Variants in CFI observed in about 807,000 individuals in gnomAD.
The protein encoded by CFI is C3B/C4B inactivator.
In CFI, 66 loss-of-function variants were observed where a neutral mutation model predicts 78.8. The observed-to-expected ratio is 0.84, with a 90% CI of 0.69 to 1.03. The LOEUF (loss-of-function observed/expected upper bound fraction) is 1.03. Among genes scored for constraint, CFI ranks in the 50% least tolerant of loss-of-function variants. CFI has a pLI of 0.00. For missense variants in CFI, 706 were observed against 704.5 expected (o/e 1.00, Z -0.02); for synonymous variants, 250 against 232.6 (o/e 1.07, Z -0.68).
intron 1 of CFI, among the ~76,000 whole-genome samples, chr4:109,801,077 C>A (rs768981966): frequency 1.3e-5 from 2 of 152,178 alleles, no homozygotes; most frequent in Non-Finnish European, 1.5e-5. Context: ...TGGATTGCCA[C>A]CAAAGTTGGC....
At chr4:109,775,212 CG>C (rs1729071208) in intron 1 of CFI, among the ~76,000 whole-genome samples, 1 of 152,058 alleles carries the variant, frequency 6.6e-6, no homozygotes, top group Non-Finnish European at 1.5e-5. Flanking sequence ...TCGCCTCACC[CG>C]GGAAGTGCAA....
chr4:109,755,594 T>C (rs1726029757), intron 7 of CFI, among the ~76,000 whole-genome samples: 1 of 152,120 alleles, frequency 6.6e-6, no homozygotes. Context: ...AAAAGTGAGT[T>C]CGGACTCCTC....
At chr4:109,798,056 T>C (rs978312466) in intron 1 of CFI, among the ~76,000 whole-genome samples, 1 of 152,112 alleles carries the variant, frequency 6.6e-6, no homozygotes, top group Non-Finnish European at 1.5e-5. Flanking sequence ...CTAGAGGACA[T>C]TAATCTAAGT....
intron 1 of CFI, among the ~76,000 whole-genome samples, chr4:109,788,892 C>T (rs1180606071): frequency 6.6e-6 from 1 of 151,642 alleles, no homozygotes; most frequent in African/African-American, 2.4e-5. Context: ...AAATATGACC[C>T]ATGATGAGGA....
At chr4:109,784,213 T>C (rs1730465802) in intron 1 of CFI, among the ~76,000 whole-genome samples, 1 of 151,974 alleles carries the variant, frequency 6.6e-6, no homozygotes, top group Admixed American at 6.6e-5. Flanking sequence ...AAAGAAGTGA[T>C]GAACAACTGT....
chr4:109,732,456 T>C, the CFI span, among the ~76,000 whole-genome samples: 1 of 152,220 alleles, frequency 6.6e-6, no homozygotes, highest in South Asian at 2.1e-4. Context: ...TTCCTCTTAA[T>C]TGATGCTGTT....
chr4:109,758,084 G>C (rs552470565), intron 6 of CFI: 1 of 625,028 alleles, frequency 1.6e-6, no homozygotes, highest in African/African-American at 1.9e-5. Flanking sequence ...AAAATGCAAA[G>C]GCAGAGCTCA....
chr4:109,749,613 G>A lies in CFI; in HGVS notation c.941-11C>T. On this transcript the variant is annotated splice_polypyrimidine_tract_variant and intron_variant, in intron 8 of 12. Coordinates refer to ENST00000394634, the MANE Select transcript of CFI (RefSeq NM_000204.5). ...TTATCCGTCTTCTTTCTTCAAGAAA[G>A]GAAGAGATTACATCATTATTATCTT... 1 of 1,506,556 alleles carries A rather than the reference G, an allele frequency of 6.6e-7. No individual in the cohort carries two copies. The highest frequency in any genetic ancestry group is 9.2e-7 in the Non-Finnish European group (1 of 1,082,370). 93.3% of individuals were successfully genotyped at this position (1,506,556 alleles called of 1,614,324 possible).
At chr4:109,794,245 T>C (rs1292113177) in intron 1 of CFI, 2 of 152,222 alleles carry the variant, frequency 1.3e-5, no homozygotes, top group African/African-American at 2.4e-5. Flanking sequence ...TATTTTCTCC[T>C]TCTGGGGTTC....
chr4:109,736,401 TTTCATC>T (rs1293922449), downstream of CFI, among the ~76,000 whole-genome samples: 1 of 152,170 alleles, frequency 6.6e-6, no homozygotes, highest in Non-Finnish European at 1.5e-5. Flanking sequence ...AGGCTAGAAG[TTTCATC>T]TCTAAAAGGG....
At chr4:109,739,431 A>C (rs1219021738), downstream of CFI, among the ~76,000 whole-genome samples, 1 of 152,204 alleles carries the variant, frequency 6.6e-6, no homozygotes, top group East Asian at 1.9e-4. Flanking sequence ...AGAGGTAGAC[A>C]ACCCAATCAA....
intron 3 of CFI, 44 bp downstream of exon 3, chr4:109,764,493 C>A (rs759704600): frequency 3.2e-5 from 52 of 1,609,324 alleles, no homozygotes; most frequent in Non-Finnish European, 3.9e-5. Flanking sequence ...GCAAACAGAA[C>A]AATTAAATCA....
At chr4:109,740,301 A>G (rs1723639483), downstream of CFI, among the ~76,000 whole-genome samples, 1 of 152,048 alleles carries the variant, frequency 6.6e-6, no homozygotes, top group Non-Finnish European at 1.5e-5. Flanking sequence ...AAAAAAAGAA[A>G]GAGAGAAAGA....
chr4:109,739,887 C>A (rs1424867657), downstream of CFI, among the ~76,000 whole-genome samples: 1 of 152,092 alleles, frequency 6.6e-6, no homozygotes, highest in African/African-American at 2.4e-5. Context: ...AGGTCTGACA[C>A]CATGGAGGTA....
chr4:109,749,317 T>G lies in CFI; in HGVS notation c.1049A>C (p.Asp350Ala). ...IVGGKRAQLG[D>A]LPWQVAIKDA... ...CTTAATTGCCACCTGCCATGGGAGG[T>G]CTCCCTGTAAAAGACATTTGTGTGG... The change falls in exon 10 of 13, where the codon GAC becomes GCC. Residue 350 changes from aspartate to alanine, a missense_variant. Transcript: ENST00000394634. 6.2e-7 allele frequency: 1 copy of G among 1,613,478 alleles called. No individual in the cohort carries two copies. The highest frequency in any genetic ancestry group is 1.3e-5 in the African/African-American group (1 of 74,890).
intron 1 of CFI, among the ~76,000 whole-genome samples, chr4:109,777,648 G>A (rs534817588): frequency 3.3e-5 from 5 of 152,292 alleles, no homozygotes; most frequent in African/African-American, 4.8e-5. Flanking sequence ...GACATCGACA[G>A]AACTCTCCAT....
At chr4:109,777,342 A>G (rs12645391) in intron 1 of CFI, among the ~76,000 whole-genome samples, 13,380 of 152,224 alleles carry the variant, frequency 0.088, 1,247 homozygotes, top group African/African-American at 0.23. Context: ...CTAGTCTCGG[A>G]TAAAACAGAC....
chr4:109,761,417 G>A, intron 4 of CFI, 100 bp downstream of exon 4: 1 of 1,156,274 alleles, frequency 8.6e-7, no homozygotes, highest in South Asian at 1.2e-5. Flanking sequence ...TATTGCCTCT[G>A]TGACTGGCAA....
Position 109,746,437 on chromosome 4 carries a change from T to C in CFI, c.1214A>G (p.Lys405Arg), listed in dbSNP as rs1377626081. 1.2e-6 allele frequency: 2 copies of C among 1,613,834 alleles called. No homozygotes were observed. The highest frequency in any genetic ancestry group is 1.7e-6 in the Non-Finnish European group (2 of 1,179,792). The change falls in exon 11 of 13, where the codon AAA (lysine) becomes AGA (arginine). Residue 405 changes from lysine (K) to arginine (R), a missense_variant. Coordinates refer to ENST00000394634, the MANE Select transcript of CFI (RefSeq NM_000204.5). ...ATCCACGTATTCAATTACTATACGTTTAAGGTCGGGGTGTATCCAGTCTAC... is the reference window on the plus strand; with the variant it reads ...ATCCACGTATTCAATTACTATACGTCTAAGGTCGGGGTGTATCCAGTCTAC... Reference protein sequence around the residue: ...TVVDWIHPDLKRIVIEYVDRI... With the variant: ...TVVDWIHPDLRRIVIEYVDRI...
Sources: allele counts gnomAD v4.1 joint callset (sites outside exome capture counted in the v4.1 genomes callset), GRCh38; gene constraint gnomAD v4.1.1; transcripts MANE v1.5; gene names NCBI Gene and HGNC (gene_info 2026-07-23, HGNC 2026-07-21).